Variants in TRMT11 observed in about 807,000 individuals in gnomAD.
TRMT11 encodes the protein tRNA (guanine(10)-N(2))-methyltransferase TRMT11.
A neutral mutation model predicts 62.8 loss-of-function variants in TRMT11; 53 were observed. The ratio of observed to expected loss-of-function variants is 0.84; its 90% CI spans 0.68 to 1.06. TRMT11 has a LOEUF of 1.06. Ranked by LOEUF, TRMT11 falls within the 50% of genes least tolerant of loss-of-function variation. The probability of loss-of-function intolerance (pLI) is 0.00; values close to 1 mark genes in which losing one functional copy is unlikely to be tolerated. For missense variants in TRMT11, 556 were observed against 553.4 expected (o/e 1.00, Z -0.05); for synonymous variants, 188 against 190.3 (o/e 0.99, Z 0.10).
intron 17 of TRMT11, among the ~76,000 whole-genome samples, chr6:126,068,326 G>A (rs2179750): frequency 0.36 from 54,270 of 151,930 alleles, 12,876 homozygotes; most frequent in East Asian, 0.92. Flanking sequence ...ACCTTTTTGT[G>A]TTTTGTTTAA....
intron 7 of TRMT11, among the ~76,000 whole-genome samples, chr6:126,003,120 A>G (rs976869491): frequency 6.6e-6 from 1 of 152,028 alleles, no homozygotes. Flanking sequence ...GAAATGACTA[A>G]CCTTATGAAT....
In TRMT11 at chr6:126,188,167, A is replaced by G. The variant is rs562019327; in HGVS notation, n.144-10632A>G. Among the ~76,000 whole-genome samples, 13 of 152,106 alleles carry G rather than the reference A, an allele frequency of 8.5e-5. No individual in the cohort carries two copies. The East Asian group carries it at 2.3e-3, about 27-fold the overall frequency. ...TATTAGAAGATATCATCAACCCCCC[A>G]TATCCCAAGAAAACAAAAAAGAACT... is the stretch of plus-strand genomic sequence containing the variant. On this transcript the variant is annotated intron_variant and non_coding_transcript_variant, in intron 1 of 3. Transcript: ENST00000444229.
intron 17 of TRMT11, among the ~76,000 whole-genome samples, chr6:126,057,711 A>G (rs967403297): frequency 2.0e-5 from 3 of 151,902 alleles, no homozygotes; most frequent in Admixed American, 6.6e-5. Context: ...AACACAGAAA[A>G]TGTGTCATCT....
chr6:125,993,006 G>A (rs1178958128), intron 1 of TRMT11, among the ~76,000 whole-genome samples: 1 of 152,112 alleles, frequency 6.6e-6, no homozygotes, highest in Admixed American at 6.5e-5. Context: ...CGGTGGGCTT[G>A]GTGTTAAAGG....
At chr6:125,993,403 C>T (rs966684882) in intron 1 of TRMT11, among the ~76,000 whole-genome samples, 1 of 152,144 alleles carries the variant, frequency 6.6e-6, no homozygotes, top group East Asian at 1.9e-4. Context: ...CTTTTCCAAA[C>T]ATCTTCAAAT....
intron 17 of TRMT11, among the ~76,000 whole-genome samples, chr6:126,089,790 T>G (rs926432946): frequency 6.6e-6 from 1 of 152,238 alleles, no homozygotes; most frequent in Admixed American, 6.5e-5. Flanking sequence ...CACTAGAAAG[T>G]GTTTTGGATG....
intron 17 of TRMT11, among the ~76,000 whole-genome samples, chr6:126,058,120 G>A (rs915133468): frequency 1.3e-5 from 2 of 151,852 alleles, no homozygotes; most frequent in African/African-American, 2.4e-5. Flanking sequence ...CCCACCTCCC[G>A]ACAGGCCCCA....
chr6:126,258,998 G>C, the TRMT11 span, among the ~76,000 whole-genome samples: 32,379 of 151,834 alleles, frequency 0.21, 4,458 homozygotes, highest in East Asian at 0.53. Flanking sequence ...TCCATATGAC[G>C]TGATGTGTGT....
intron 16 of TRMT11, among the ~76,000 whole-genome samples, chr6:126,047,208 C>T (rs140691622): frequency 3.7e-4 from 56 of 151,994 alleles, no homozygotes; most frequent in African/African-American, 1.2e-3. Context: ...TGAAAACCCA[C>T]GGCCCTAATT....
downstream of TRMT11, among the ~76,000 whole-genome samples, chr6:126,207,877 A>G (rs1778804816): frequency 6.6e-6 from 1 of 152,270 alleles, no homozygotes; most frequent in Non-Finnish European, 1.5e-5. Context: ...ACTCAAGCTT[A>G]AAACTAAAGA....
chr6:126,093,585 G>GTGTA (rs1313520779), intron 17 of TRMT11, among the ~76,000 whole-genome samples: 20 of 46,688 alleles, frequency 4.3e-4, no homozygotes, highest in East Asian at 2.2e-3. Flanking sequence ...GGATATGTAT[G>GTGTA]TATATATATA....
the TRMT11 span, among the ~76,000 whole-genome samples, chr6:126,227,243 G>C: frequency 6.6e-6 from 1 of 152,242 alleles, no homozygotes; most frequent in African/African-American, 2.4e-5. Context: ...ACAGACTTCA[G>C]TGTTTGTTTC....
chr6:126,230,095 G>A, the TRMT11 span, among the ~76,000 whole-genome samples: 1 of 152,290 alleles, frequency 6.6e-6, no homozygotes, highest in South Asian at 2.1e-4. Context: ...GGCCAAAGGA[G>A]AGACGTGGAA....
chr6:126,033,327 C>T (rs1774558054), intron 12 of TRMT11, among the ~76,000 whole-genome samples: 1 of 152,082 alleles, frequency 6.6e-6, no homozygotes, highest in Non-Finnish European at 1.5e-5. Flanking sequence ...ACAGAACATA[C>T]AGCTTGATTT....
chr6:126,022,656 T>C (rs917573972), intron 12 of TRMT11, among the ~76,000 whole-genome samples: 2 of 152,200 alleles, frequency 1.3e-5, no homozygotes, highest in Non-Finnish European at 2.9e-5. Context: ...AATCTTTTTT[T>C]ATTACTGAAA....
At chr6:126,140,277 T>C (rs1318570027) in intron 21 of TRMT11, among the ~76,000 whole-genome samples, 1 of 152,114 alleles carries the variant, frequency 6.6e-6, no homozygotes, top group East Asian at 1.9e-4. Context: ...TCTGATTTGC[T>C]AATATGTAAT....
intron 12 of TRMT11, among the ~76,000 whole-genome samples, chr6:126,022,275 C>T (rs1795947243): frequency 6.6e-6 from 1 of 151,862 alleles, no homozygotes; most frequent in Admixed American, 6.6e-5. Flanking sequence ...TCTTGAACTC[C>T]TGACTTCTTG....
At chr6:126,023,320 C>T (rs373473003) in intron 12 of TRMT11, among the ~76,000 whole-genome samples, 31 of 152,138 alleles carry the variant, frequency 2.0e-4, no homozygotes, top group African/African-American at 7.0e-4. Context: ...TTTCAAACCC[C>T]GTTGATTAAC....
At chr6:126,246,831 T>G in the TRMT11 span, among the ~76,000 whole-genome samples, 1 of 152,070 alleles carries the variant, frequency 6.6e-6, no homozygotes, top group African/African-American at 2.4e-5. Context: ...GGTAATAAAT[T>G]TATAGTAGTT....
Sources: allele counts gnomAD v4.1 joint callset (sites outside exome capture counted in the v4.1 genomes callset), GRCh38; gene constraint gnomAD v4.1.1; transcripts MANE v1.5; gene names NCBI Gene and HGNC (gene_info 2026-07-23, HGNC 2026-07-21).